The following BBOX1 variants were observed in gnomAD, a reference collection of about 807,000 sequenced individuals.
BBOX1 encodes gamma-butyrobetaine dioxygenase.
BBOX1 carries 35 observed loss-of-function variants against 41.6 expected under a neutral mutation model. The observed-to-expected ratio is 0.84, with a 90% CI of 0.64 to 1.11. BBOX1 has a LOEUF of 1.11. BBOX1 is among the 50% of genes most tolerant of loss of function. BBOX1 has a pLI of 0.00. For synonymous variants in BBOX1, 163 were observed against 154.7 expected (o/e 1.05, Z -0.40); for missense variants, 458 against 460.6 (o/e 0.99, Z 0.05).
intron 2 of BBOX1, among the ~76,000 whole-genome samples, chr11:27,048,259 T>G (rs1465256107): frequency 6.6e-6 from 1 of 152,054 alleles, no homozygotes; most frequent in African/African-American, 2.4e-5. Flanking sequence ...ATATCCCCAT[T>G]TCTCCCACCT....
intron 5 of BBOX1, among the ~76,000 whole-genome samples, chr11:27,099,742 C>G (rs745364948): frequency 1.2e-4 from 18 of 152,032 alleles, no homozygotes; most frequent in Non-Finnish European, 2.1e-4. Context: ...TTTCCCAGAT[C>G]TCTCTGATCC....
chr11:27,072,652 G>A (rs960525219), intron 4 of BBOX1, among the ~76,000 whole-genome samples: 11 of 152,156 alleles, frequency 7.2e-5, no homozygotes, highest in Non-Finnish European at 1.5e-4. Context: ...CAGGCATCAA[G>A]CTACCTGATT....
chr11:27,070,250 G>C (rs1023707346), intron 4 of BBOX1, among the ~76,000 whole-genome samples: 5 of 152,130 alleles, frequency 3.3e-5, no homozygotes, highest in African/African-American at 4.8e-5. Flanking sequence ...TTATTGGGTA[G>C]AATGTTCTAT....
intron 4 of BBOX1, among the ~76,000 whole-genome samples, chr11:27,069,535 C>T (rs765379805): frequency 6.6e-6 from 1 of 152,006 alleles, no homozygotes; most frequent in African/African-American, 2.4e-5. Context: ...AATTTGACTT[C>T]CTCTTTTCCA....
intron 5 of BBOX1, among the ~76,000 whole-genome samples, chr11:27,111,815 T>C (rs1475230047): frequency 6.6e-6 from 1 of 151,952 alleles, no homozygotes; most frequent in Non-Finnish European, 1.5e-5. Context: ...TACTGAGTAA[T>C]CAAATAGTGG....
chr11:27,095,877 T>C (rs1259512788), intron 5 of BBOX1, among the ~76,000 whole-genome samples: 2 of 152,030 alleles, frequency 1.3e-5, no homozygotes, highest in African/African-American at 2.4e-5. Context: ...CTGGGTAACG[T>C]AGATTTAAAA....
At chr11:27,106,336 A>G (rs1350075332) in intron 5 of BBOX1, among the ~76,000 whole-genome samples, 19 of 151,972 alleles carry the variant, frequency 1.3e-4, no homozygotes, top group Non-Finnish European at 2.8e-4. Flanking sequence ...TGCTGTATTC[A>G]GGAGACCCAT....
intron 3 of BBOX1, among the ~76,000 whole-genome samples, chr11:27,056,754 G>C (rs1055476824): frequency 6.6e-6 from 1 of 151,796 alleles, no homozygotes; most frequent in Admixed American, 6.6e-5. Flanking sequence ...TTCCAAAAGC[G>C]TATGCTTAAT....
At chr11:27,105,054 C>T (rs1475806803) in intron 5 of BBOX1, among the ~76,000 whole-genome samples, 1 of 152,154 alleles carries the variant, frequency 6.6e-6, no homozygotes, top group African/African-American at 2.4e-5. Flanking sequence ...GGAAAACTAA[C>T]AAACAGAAAG....
In BBOX1 at chr11:27,114,027, G is replaced by T. The variant is rs143258133; in HGVS notation, c.534-1425G>T. Among the ~76,000 whole-genome samples the T allele has an allele frequency of 3.4e-3, 522 of 151,806 alleles. 1 individual carries two copies. Among genetic ancestry groups the T allele is most frequent in the Non-Finnish European group, 5.8e-3 (393 of 67,842 alleles). ...ATCCCATAAAATCCACCCAAAAAAAGCTACTAAAGCTAATGAATGAATTTA... is the reference window on the plus strand; with the variant it reads ...ATCCCATAAAATCCACCCAAAAAAATCTACTAAAGCTAATGAATGAATTTA... On this transcript the variant is annotated intron_variant, in intron 5 of 8. Transcript: ENST00000263182.
rs58041903 is a variant in BBOX1, at chr11:27,070,706, ATTTTT to A, written c.334+13407_334+13411del. Among the ~76,000 whole-genome samples, 613 of 133,694 alleles carry A rather than the reference ATTTTT, an allele frequency of 4.6e-3. 4 individuals are homozygous for A. Among genetic ancestry groups the A allele is most frequent in the Middle Eastern group, 8.0e-3 (2 of 250 alleles). 87.7% of individuals were successfully genotyped at this position (133,694 alleles called of 152,430 possible). A position where few individuals can be genotyped will look rare whatever the true frequency, so the allele number is the denominator to read the frequency against. ...ACAGAAGATATTTGGTTTGTGATTG[ATTTTT>A]TTTTTTTTTTTTTTTGGTCCATTCT... On this transcript the variant is annotated intron_variant, in intron 4 of 8. Transcript: ENST00000263182.
chr11:27,099,145 T>C (rs766518758), intron 5 of BBOX1, among the ~76,000 whole-genome samples: 2 of 151,902 alleles, frequency 1.3e-5, no homozygotes, highest in African/African-American at 2.4e-5. Flanking sequence ...GTTAACCTCA[T>C]GGGAAACTCA....
At chr11:27,055,742 C>G in intron 3 of BBOX1, 93 bp downstream of exon 3, 2 of 1,245,398 alleles carry the variant, frequency 1.6e-6, no homozygotes, top group Non-Finnish European at 2.2e-6. Context: ...TATTTGGTCA[C>G]GCATATATAA....
At chr11:27,085,254 G>A (rs1042391569) in intron 4 of BBOX1, among the ~76,000 whole-genome samples, 1 of 152,080 alleles carries the variant, frequency 6.6e-6, no homozygotes, top group Admixed American at 6.5e-5. Flanking sequence ...TCACTTTACT[G>A]AGCTTCACAG....
At chr11:27,090,512 C>A (rs1423947895) in intron 4 of BBOX1, among the ~76,000 whole-genome samples, 1 of 151,788 alleles carries the variant, frequency 6.6e-6, no homozygotes, top group Non-Finnish European at 1.5e-5. Flanking sequence ...GGGAATAGGA[C>A]AAAGGGCAAA....
At chr11:27,061,722 C>T (rs964034063) in intron 4 of BBOX1, among the ~76,000 whole-genome samples, 2 of 152,102 alleles carry the variant, frequency 1.3e-5, no homozygotes, top group African/African-American at 2.4e-5. Flanking sequence ...CCCTGGCACT[C>T]GCTGTTGAAC....
chr11:27,123,564 A>G (rs1421782814), intron 7 of BBOX1, among the ~76,000 whole-genome samples: 2 of 152,172 alleles, frequency 1.3e-5, no homozygotes, highest in Admixed American at 6.5e-5. Context: ...AAGAAAAAAA[A>G]AGAGGAAAGT....
At chr11:27,070,703 T>C (rs1857417078) in intron 4 of BBOX1, among the ~76,000 whole-genome samples, 1 of 97,412 alleles carries the variant, frequency 1.0e-5, no homozygotes, top group African/African-American at 3.6e-5. Flanking sequence ...TGGTTTGTGA[T>C]TGATTTTTTT....
chr11:27,068,205 T>C (rs758777319), intron 4 of BBOX1, among the ~76,000 whole-genome samples: 1 of 152,140 alleles, frequency 6.6e-6, no homozygotes, highest in Non-Finnish European at 1.5e-5. Flanking sequence ...CAGTGAACGC[T>C]TCCCTTTTCA....
Sources: gnomAD v4.1 joint callset for allele counts (sites outside exome capture counted in the v4.1 genomes callset) on GRCh38, gnomAD v4.1.1 for gene constraint, MANE v1.5 for transcripts, NCBI Gene and HGNC (gene_info 2026-07-23, HGNC 2026-07-21) for gene names.